The following ADAMTSL1 variants were observed in gnomAD, a reference collection of about 807,000 sequenced individuals.
The protein encoded by ADAMTSL1 is ADAMTS like 1.
In ADAMTSL1, 126 loss-of-function variants were observed where a neutral mutation model predicts 201.8. That is an observed-to-expected ratio of 0.62 (90% CI 0.54 to 0.72). The LOEUF is 0.72. Among genes scored for constraint, ADAMTSL1 ranks in the 30% least tolerant of loss-of-function variants. ADAMTSL1 has a pLI of 0.00. For missense variants in ADAMTSL1, 2,679 were observed against 2,277.8 expected (o/e 1.18, Z -3.59); for synonymous variants, 1,121 against 903.4 (o/e 1.24, Z -4.32).
intron 2 of ADAMTSL1, among the ~76,000 whole-genome samples, chr9:18,331,789 G>A (rs770994707): frequency 1.1e-4 from 16 of 152,128 alleles, no homozygotes; most frequent in Non-Finnish European, 1.6e-4. Flanking sequence ...CAGTAGCTCT[G>A]GCATTGCTTG....
At chr9:18,657,194 C>G (rs62549398) in intron 7 of ADAMTSL1, among the ~76,000 whole-genome samples, 5,333 of 152,278 alleles carry the variant, frequency 0.035, 308 homozygotes, top group African/African-American at 0.12. Context: ...TTATTTAATT[C>G]TTCAACTCGT....
chr9:18,288,914 G>A (rs577623945), intron 2 of ADAMTSL1, among the ~76,000 whole-genome samples: 33 of 152,292 alleles, frequency 2.2e-4, no homozygotes, highest in African/African-American at 7.7e-4. Flanking sequence ...TGAATTGATT[G>A]GCATTGTGAA....
chr9:18,725,624 G>C (rs527626754), intron 15 of ADAMTSL1, among the ~76,000 whole-genome samples: 2 of 152,076 alleles, frequency 1.3e-5, no homozygotes, highest in African/African-American at 4.8e-5. Flanking sequence ...GGTTTTCTGT[G>C]TTATAATTAT....
At chr9:17,909,103 G>T (rs1001642144) in intron 1 of ADAMTSL1, among the ~76,000 whole-genome samples, 5 of 147,290 alleles carry the variant, frequency 3.4e-5, no homozygotes, top group African/African-American at 1.2e-4. Flanking sequence ...GTGTTTTTTG[G>T]CTGCATAAAT....
At chr9:18,385,984 TATGGCAGCATATAA>T (rs1449562562) in intron 2 of ADAMTSL1, among the ~76,000 whole-genome samples, 1 of 152,206 alleles carries the variant, frequency 6.6e-6, no homozygotes, top group Non-Finnish European at 1.5e-5. Context: ...GTAATAATTT[TATGGCAGCATATAA>T]ATGCCAGCGA....
intron 1 of ADAMTSL1, among the ~76,000 whole-genome samples, chr9:18,145,842 A>G (rs1439088259): frequency 1.3e-5 from 2 of 152,220 alleles, no homozygotes; most frequent in African/African-American, 4.8e-5. Flanking sequence ...ATGTTTGCAG[A>G]CTAAATATCT....
chr9:18,008,186 G>T (rs1464878523), intron 1 of ADAMTSL1, among the ~76,000 whole-genome samples: 3 of 152,024 alleles, frequency 2.0e-5, no homozygotes, highest in African/African-American at 7.2e-5. Flanking sequence ...ACTCCTGTGT[G>T]ACCCTCAGAA....
At chr9:18,691,357 A>AT (rs1413424943) in intron 13 of ADAMTSL1, among the ~76,000 whole-genome samples, 3 of 152,206 alleles carry the variant, frequency 2.0e-5, no homozygotes, top group Admixed American at 6.5e-5. Context: ...TGTTTGACAG[A>AT]TTATGATCAA....
intron 3 of ADAMTSL1, among the ~76,000 whole-genome samples, chr9:18,555,864 A>C (rs953292038): frequency 6.6e-6 from 1 of 152,006 alleles, no homozygotes; most frequent in Non-Finnish European, 1.5e-5. Context: ...AAAACAGGCA[A>C]AGCTGGGTCA....
chr9:18,811,024 A>AC (rs1044478465), intron 20 of ADAMTSL1, among the ~76,000 whole-genome samples: 2 of 149,846 alleles, frequency 1.3e-5, no homozygotes, highest in African/African-American at 4.9e-5. Flanking sequence ...AAAAAAAAAA[A>AC]AAAAAAAAAA....
At chr9:18,781,025 A>C (rs538453589) in intron 19 of ADAMTSL1, among the ~76,000 whole-genome samples, 4 of 152,332 alleles carry the variant, frequency 2.6e-5, no homozygotes, top group Admixed American at 2.6e-4. Flanking sequence ...AGGAACACCA[A>C]TAATTCTTGA....
intron 1 of ADAMTSL1, among the ~76,000 whole-genome samples, chr9:18,015,948 A>G (rs1459932780): frequency 6.6e-6 from 1 of 152,016 alleles, no homozygotes; most frequent in South Asian, 2.1e-4. Flanking sequence ...CATAATAAAG[A>G]TCTCTGAAAA....
intron 1 of ADAMTSL1, among the ~76,000 whole-genome samples, chr9:18,121,432 C>T (rs2054044526): frequency 6.6e-6 from 1 of 151,992 alleles, no homozygotes; most frequent in South Asian, 2.1e-4. Flanking sequence ...AGGGTCAGTC[C>T]CTAAAGGGGA....
At chr9:17,979,217 G>T (rs1424220773) in intron 1 of ADAMTSL1, among the ~76,000 whole-genome samples, 17 of 152,068 alleles carry the variant, frequency 1.1e-4, no homozygotes, top group Non-Finnish European at 2.9e-5. Context: ...TTGCTTCCCA[G>T]ATCTGGGGAG....
intron 16 of ADAMTSL1, among the ~76,000 whole-genome samples, chr9:18,764,280 T>C (rs1820239956): frequency 6.6e-6 from 1 of 152,248 alleles, no homozygotes. Flanking sequence ...TTTAAATTTC[T>C]TTTTCATGTT....
At chr9:18,282,807 G>A (rs1832842183) in intron 2 of ADAMTSL1, among the ~76,000 whole-genome samples, 1 of 152,188 alleles carries the variant, frequency 6.6e-6, no homozygotes, top group African/African-American at 2.4e-5. Flanking sequence ...TGAGGCAGGA[G>A]AATCGCTTGA....
intron 1 of ADAMTSL1, among the ~76,000 whole-genome samples, chr9:18,035,721 T>C (rs1295593893): frequency 6.6e-6 from 1 of 152,198 alleles, no homozygotes; most frequent in Non-Finnish European, 1.5e-5. Context: ...ATGATCATCG[T>C]CTGCTGTCTT....
chr9:18,112,602 C>G (rs745629482), intron 1 of ADAMTSL1, among the ~76,000 whole-genome samples: 3 of 151,776 alleles, frequency 2.0e-5, no homozygotes, highest in Non-Finnish European at 4.4e-5. Context: ...TTGGGAGAAA[C>G]CTAAGATAAT....
At chr9:18,101,362 G>C (rs539220064) in intron 1 of ADAMTSL1, among the ~76,000 whole-genome samples, 6 of 152,108 alleles carry the variant, frequency 3.9e-5, no homozygotes, top group South Asian at 4.2e-4. Context: ...GCTAGGCGTG[G>C]TGGCATGTGC....
Sources: gnomAD v4.1 joint callset for allele counts (sites outside exome capture counted in the v4.1 genomes callset) on GRCh38, gnomAD v4.1.1 for gene constraint, MANE v1.5 for transcripts, NCBI Gene and HGNC (gene_info 2026-07-23, HGNC 2026-07-21) for gene names.